Variants in SRRD observed in about 807,000 individuals in gnomAD.
The protein encoded by SRRD is SRR1-like protein.
A neutral mutation model predicts 30.7 loss-of-function variants in SRRD; 28 were observed. That is an observed-to-expected ratio of 0.91 (90% CI 0.68 to 1.25). The LOEUF is 1.25. Among genes scored for constraint, SRRD ranks in the 50% most tolerant of loss-of-function variants. SRRD has a pLI of 0.00. For synonymous variants in SRRD, 161 were observed against 159.6 expected, an observed-to-expected ratio of 1.01 and a Z score of -0.07; for missense variants, 415 against 417.3, an observed-to-expected ratio of 0.99 and a Z score of 0.05.
At chr22:26,489,902 G>A (rs916866788) in intron 4 of SRRD, 142 bp from the exon 5 acceptor site, 6 of 810,654 alleles carry the variant, frequency 7.4e-6, no homozygotes, top group Admixed American at 2.6e-5. Flanking sequence ...TCATATACGA[G>A]TGTAACTGTT....
Position 26,483,999 on chromosome 22 carries a change from AGAGAGGCGGCGCCCCG to A in SRRD, c.111_126del (p.Glu38GlyfsTer41). On this transcript the variant is annotated frameshift_variant, in exon 1 of 7. Coordinates refer to ENST00000215917, the MANE Select transcript of SRRD (RefSeq NM_001013694.3). LOFTEE classifies it high-confidence loss of function. Reference sequence around the variant, plus strand: ...GCGGAGGGAGGCGGCGCCCCGGGGGAGAGAGGCGGCGCCCCGGGGGAGAGAGGCGGCGCCCCGGGGC... The same window carrying A: ...GCGGAGGGAGGCGGCGCCCCGGGGGAGGGGAGAGAGGCGGCGCCCCGGGGC... 1 of 54,724 alleles carries A rather than the reference AGAGAGGCGGCGCCCCG, an allele frequency of 1.8e-5. No homozygotes were observed. Among genetic ancestry groups the A allele is most frequent in the Non-Finnish European group, 2.7e-5 (1 of 37,478 alleles). The allele number at this position is 54,724 out of a possible 1,614,324, so 3.4% of individuals were successfully genotyped here.
chr22:26,490,135 G>A lies in SRRD; in HGVS notation c.701G>A (p.Trp234Ter), dbSNP rs766901150. The change falls in exon 5 of 7, where the codon TGG becomes TAG. Residue 234 changes from tryptophan (W) to a stop codon, truncating the protein, a stop_gained. Coordinates refer to ENST00000215917, the MANE Select transcript of SRRD (RefSeq NM_001013694.3). LOFTEE classifies it high-confidence loss of function. ...TACAACAATCTTTTATGGAGTAACT[G>A]GTCAGTAGATGCCCTTTCTAAGATG... ...ALYNNLLWSN[W>*]SVDALSKMVI... 7 of 1,614,120 alleles carry A rather than the reference G, an allele frequency of 4.3e-6. No individual in the cohort carries two copies. The highest frequency in any genetic ancestry group is 1.1e-5 in the South Asian group (1 of 91,072).
chr22:26,488,606 G>C (rs921998262), intron 4 of SRRD, 118 bp downstream of exon 4: 4 of 766,374 alleles, frequency 5.2e-6, no homozygotes, highest in Admixed American at 4.3e-5. Context: ...CTTACCGCCT[G>C]CTCACTTTTG....
At position 26,488,230 on chromosome 22, in the gene SRRD, C is replaced by T. The variant is rs760526981; in HGVS notation, c.452C>T (p.Thr151Ile). 5.0e-6 allele frequency: 8 copies of T among 1,614,044 alleles called. No individual in the cohort carries two copies. Among genetic ancestry groups the T allele is most frequent in the Non-Finnish European group, 6.8e-6 (8 of 1,180,032 alleles). ...TGTTACGGCATTGGGAACTTTGCCACCTGCATCGTAGCTAGAAACCAGCTA... is the reference window on the plus strand; with the variant it reads ...TGTTACGGCATTGGGAACTTTGCCATCTGCATCGTAGCTAGAAACCAGCTA... ...CVCYGIGNFA[T>I]CIVARNQLTF... Residue 151 changes from threonine to isoleucine, a missense_variant, in exon 3 of 7, where the codon ACC becomes ATC. Physicochemically the swap from Thr to Ile is moderately conservative, Grantham distance 89 (BLOSUM62 -1). Transcript: ENST00000215917.
chr22:26,492,098 T>C lies in SRRD; in HGVS notation c.*426T>C, dbSNP rs1921269238. The C allele has an allele frequency of 1.2e-6, 2 of 1,613,994 alleles. No homozygotes were observed. Among genetic ancestry groups the C allele is most frequent in the Non-Finnish European group, 1.7e-6 (2 of 1,179,992 alleles). ...GACAAAGACCACTCCCCGGTCGATG[T>C]AGATCACAATGCGGCCAAAGGTGTA... On this transcript the variant is annotated 3_prime_UTR_variant, in exon 7 of 7. Coordinates refer to ENST00000215917, the MANE Select transcript of SRRD (RefSeq NM_001013694.3).
rs1297274292 is a variant in SRRD at position 26,490,067 on chromosome 22, G to A, written c.633G>A (p.Gly211=). ...ENEEGKRSIR[G]EPTIFYMLHC... is the part of the protein sequence containing the mutation. ...AGGAAGGGAAACGGAGTATTCGCGG[G>A]GAGCCTACCATCTTTTACATGCTCC... The change falls in exon 5 of 7, where the codon GGG becomes GGA. Residue 211 remains glycine (G), a synonymous_variant. Coordinates refer to ENST00000215917, the MANE Select transcript of SRRD (RefSeq NM_001013694.3). The A allele has an allele frequency of 6.2e-7, 1 of 1,613,990 alleles. No individual in the cohort carries two copies. The highest frequency in any genetic ancestry group is 1.3e-5 in the African/African-American group (1 of 75,030).
intron 1 of SRRD, among the ~76,000 whole-genome samples, chr22:26,484,912 C>T (rs930262399): frequency 6.6e-6 from 1 of 152,170 alleles, no homozygotes; most frequent in Non-Finnish European, 1.5e-5. Context: ...AGATCAGCAT[C>T]CGAAGGGCCG....
Position 26,494,046 on chromosome 22 carries a change from T to C in SRRD, c.*2374T>C. 1 of 1,469,172 alleles carries C rather than the reference T, an allele frequency of 6.8e-7. No homozygotes were observed. The highest frequency in any genetic ancestry group is 9.3e-7 in the Non-Finnish European group (1 of 1,074,312). 91.0% of individuals were successfully genotyped at this position (1,469,172 alleles called of 1,614,324 possible). On this transcript the variant is annotated 3_prime_UTR_variant, in exon 7 of 7. Transcript: ENST00000215917. The stretch of plus-strand genomic sequence containing the variant: ...AGTGTGACCTAAGGTTTAGGCTGCC[T>C]ACAGGAACCAGAAAACTCTGATTCT...
chr22:26,487,688 T>C (rs1363453203), intron 2 of SRRD, among the ~76,000 whole-genome samples: 1 of 152,220 alleles, frequency 6.6e-6, no homozygotes, highest in Non-Finnish European at 1.5e-5. Flanking sequence ...TTTCAGAGCA[T>C]AGTCTACATT....
chr22:26,494,064 C>CT lies in SRRD; in HGVS notation c.*2393dup, dbSNP rs1438840169. On this transcript the variant is annotated 3_prime_UTR_variant, in exon 7 of 7. Coordinates refer to ENST00000215917, the MANE Select transcript of SRRD (RefSeq NM_001013694.3). Reference sequence around the variant, plus strand: ...GGCTGCCTACAGGAACCAGAAAACTCTGATTCTGTGTCATTTACATGTGTA... The same window carrying CT: ...GGCTGCCTACAGGAACCAGAAAACTCTTGATTCTGTGTCATTTACATGTGTA... 5 of 1,556,386 alleles carry CT rather than the reference C, an allele frequency of 3.2e-6. No homozygotes were observed. Among genetic ancestry groups the CT allele is most frequent in the Admixed American group, 1.8e-5 (1 of 55,724 alleles).
At chr22:26,490,951 T>C (rs1921086688) in intron 5 of SRRD, 74 bp from the exon 6 acceptor site, 2 of 1,385,228 alleles carry the variant, frequency 1.4e-6, no homozygotes, top group East Asian at 4.6e-5. Context: ...GTCTTAAAAG[T>C]TGAATGAAAC....
Position 26,486,020 on chromosome 22 carries a change from C to T in SRRD, c.210-3C>T, listed in dbSNP as rs779466394. 1 of 1,614,098 alleles carries T rather than the reference C, an allele frequency of 6.2e-7. No homozygotes were observed. ...ATGACTGTGCCATTTTTTTTCTCAA[C>T]AGGAAGGACCTGTTTATCTCTGATT... On this transcript the variant is annotated splice_region_variant and splice_polypyrimidine_tract_variant and intron_variant, in intron 1 of 6. Transcript: ENST00000215917.
At chr22:26,484,245 A>T in intron 1 of SRRD, 146 bp downstream of exon 1, 1 of 907,268 alleles carries the variant, frequency 1.1e-6, no homozygotes, top group Non-Finnish European at 1.6e-6. Context: ...CTCATTAAAG[A>T]TGTGGATTAT....
At position 26,494,336 on chromosome 22, in the gene SRRD, G is replaced by A. The variant is rs767537316; in HGVS notation, c.*2664G>A. 15 of 1,613,984 alleles carry A rather than the reference G, an allele frequency of 9.3e-6. No homozygotes were observed. Among genetic ancestry groups the A allele is most frequent in the East Asian group, 2.2e-5 (1 of 44,882 alleles). ...AAAAGAAAAATTACTTGCATCCATCGTGGCAACAAATGAAGGCAAGATTTC... is the reference window on the plus strand; with the variant it reads ...AAAAGAAAAATTACTTGCATCCATCATGGCAACAAATGAAGGCAAGATTTC... On this transcript the variant is annotated 3_prime_UTR_variant, in exon 7 of 7. Coordinates refer to ENST00000215917, the MANE Select transcript of SRRD (RefSeq NM_001013694.3).
chr22:26,484,985 G>A lies in SRRD; in HGVS notation c.209+886G>A, dbSNP rs554611022. 2.6e-5 allele frequency among the ~76,000 whole-genome samples: 4 copies of A among 152,188 alleles called. No individual in the cohort carries two copies. The South Asian group carries it at 8.3e-4, about 32-fold the overall frequency. The stretch of plus-strand genomic sequence containing the variant: ...TCTCCCCTAGAATTAGGGTCAAGAG[G>A]CAGTAATGTCCCAGAGTTTACCTCT... On this transcript the variant is annotated intron_variant, in intron 1 of 6. Transcript: ENST00000215917.
intron 1 of SRRD, among the ~76,000 whole-genome samples, chr22:26,484,362 G>A (rs958518210): frequency 6.6e-6 from 1 of 152,126 alleles, no homozygotes; most frequent in African/African-American, 2.4e-5. Context: ...TGTGAGATGG[G>A]GATGAAAATA....
rs1024086601 is a variant in SRRD, at chr22:26,492,110, C to T, written c.*438C>T. 2 of 1,613,982 alleles carry T rather than the reference C, an allele frequency of 1.2e-6. No homozygotes were observed. The highest frequency in any genetic ancestry group is 3.3e-4 in the Middle Eastern group (2 of 6,062). ...TCCCCGGTCGATGTAGATCACAATGCGGCCAAAGGTGTAGAGCTGCTTCCC... is the reference window on the plus strand; with the variant it reads ...TCCCCGGTCGATGTAGATCACAATGTGGCCAAAGGTGTAGAGCTGCTTCCC... On this transcript the variant is annotated 3_prime_UTR_variant, in exon 7 of 7. Transcript: ENST00000215917.
In SRRD at chr22:26,493,916, C is replaced by A; in HGVS notation, c.*2244C>A. 1 of 524,986 alleles carries A rather than the reference C, an allele frequency of 1.9e-6. No homozygotes were observed. Among genetic ancestry groups the A allele is most frequent in the Non-Finnish European group, 3.4e-6 (1 of 292,020 alleles). The allele number at this position is 524,986 out of a possible 1,614,324, so 32.5% of individuals were successfully genotyped here. On this transcript the variant is annotated 3_prime_UTR_variant, in exon 7 of 7. Coordinates refer to ENST00000215917, the MANE Select transcript of SRRD (RefSeq NM_001013694.3). ...ATCTGAATCCAGCTTAAGTCAGTCT[C>A]CACTCAGGGAAGATGCCCCTCTCAG...
At position 26,491,573 on chromosome 22, in the gene SRRD, C is replaced by A; in HGVS notation, c.921C>A (p.Ser307=). Residue 307 remains serine (S), a synonymous_variant, in exon 7 of 7, where the codon TCC becomes TCA. Coordinates refer to ENST00000215917, the MANE Select transcript of SRRD (RefSeq NM_001013694.3). ...WFPVQKLEQL[S]IDIWEFREEP... is the part of the protein sequence containing the mutation. ...CTGTGCAAAAGCTAGAACAGCTCTC[C>A]ATAGATATTTGGGAGTTTCGGGAAG... 3 of 1,614,126 alleles carry A rather than the reference C, an allele frequency of 1.9e-6. No homozygotes were observed. Among genetic ancestry groups the A allele is most frequent in the Non-Finnish European group, 2.5e-6 (3 of 1,179,982 alleles).
Sources: allele counts gnomAD v4.1 joint callset (sites outside exome capture counted in the v4.1 genomes callset), GRCh38; gene constraint gnomAD v4.1.1; transcripts MANE v1.5; gene names NCBI Gene and HGNC (gene_info 2026-07-23, HGNC 2026-07-21).